LPP: variants seen among roughly 807,000 people sequenced by gnomAD.
LPP encodes lipoma-preferred partner.
Under a neutral mutation model 60.4 loss-of-function variants are expected in LPP, and 38 were observed. That is an observed-to-expected ratio of 0.63 (90% CI 0.49 to 0.83). The LOEUF is 0.83. Ranked by LOEUF, LPP falls within the 40% of genes least tolerant of loss-of-function variation. The probability of loss-of-function intolerance (pLI) is 0.00; values close to 1 mark genes in which losing one functional copy is unlikely to be tolerated. For synonymous variants in LPP, 328 were observed against 290.8 expected (o/e 1.13, Z -1.30); for missense variants, 902 against 783.6 (o/e 1.15, Z -1.80).
At chr3:188,250,798 T>G (rs374263385) in intron 2 of LPP, among the ~76,000 whole-genome samples, 101 of 137,848 alleles carry the variant, frequency 7.3e-4, no homozygotes, top group African/African-American at 2.4e-3. Context: ...GTCTTTCTCT[T>G]TCTTTCTTTC....
At chr3:188,446,200 T>C (rs138091829) in intron 4 of LPP, among the ~76,000 whole-genome samples, 200 of 152,324 alleles carry the variant, frequency 1.3e-3, no homozygotes, top group African/African-American at 4.6e-3. Context: ...ATAAACACAC[T>C]GGTGTTGTCC....
intron 2 of LPP, among the ~76,000 whole-genome samples, chr3:188,227,338 T>A (rs1293311841): frequency 9.7e-5 from 4 of 41,394 alleles, no homozygotes; most frequent in African/African-American, 2.0e-4. Flanking sequence ...CCCTCCCCCC[T>A]CCCCCCACCC....
chr3:188,723,241 CT>C (rs376876680), intron 8 of LPP, among the ~76,000 whole-genome samples: 380 of 152,314 alleles, frequency 2.5e-3, no homozygotes, highest in Admixed American at 5.5e-3. Flanking sequence ...CACAGCTTTA[CT>C]GTCAGTGTCA....
intron 2 of LPP, among the ~76,000 whole-genome samples, chr3:188,294,296 C>T (rs1350340800): frequency 1.3e-5 from 2 of 152,046 alleles, no homozygotes. Context: ...CTGTGAAATA[C>T]TAAAAACAGA....
intron 1 of LPP, among the ~76,000 whole-genome samples, chr3:188,201,086 C>G (rs1218795932): frequency 3.9e-5 from 6 of 152,114 alleles, no homozygotes; most frequent in Non-Finnish European, 8.8e-5. Flanking sequence ...GGAGTCATAC[C>G]CTAGGACAGT....
intron 6 of LPP, among the ~76,000 whole-genome samples, chr3:188,556,766 T>C (rs552790711): frequency 8.4e-6 from 1 of 119,752 alleles, no homozygotes; most frequent in African/African-American, 2.7e-5. Flanking sequence ...CTTTTGGCAC[T>C]TCAGGCTTGA....
intron 3 of LPP, among the ~76,000 whole-genome samples, chr3:188,363,487 A>G (rs1357594971): frequency 1.3e-5 from 2 of 152,208 alleles, no homozygotes; most frequent in Admixed American, 1.3e-4. Flanking sequence ...TAGGAGTTTC[A>G]TATTTCCATC....
chr3:188,499,473 GTTA>G (rs981860338), intron 5 of LPP, among the ~76,000 whole-genome samples: 1 of 152,084 alleles, frequency 6.6e-6, no homozygotes, highest in African/African-American at 2.4e-5. Context: ...TCTCTTATGT[GTTA>G]TTATGCCAAT....
chr3:188,324,145 A>G (rs1171667218), intron 2 of LPP, among the ~76,000 whole-genome samples: 1 of 152,204 alleles, frequency 6.6e-6, no homozygotes, highest in South Asian at 2.1e-4. Flanking sequence ...TGCACTAGAT[A>G]GATAGAAACC....
In LPP at chr3:188,268,778, C is replaced by T. The variant is rs567024889; in HGVS notation, c.-67+43251C>T. On this transcript the variant is annotated intron_variant, in intron 2 of 11. Coordinates refer to ENST00000617246, the MANE Select transcript of LPP (RefSeq NM_001375462.1). Reference sequence around the variant, plus strand: ...ATTGTGCCATATCATTCATTCTCCTCGTGGCAGGAATAATGAATGAATATT... The same window carrying T: ...ATTGTGCCATATCATTCATTCTCCTTGTGGCAGGAATAATGAATGAATATT... 1.1e-4 allele frequency among the ~76,000 whole-genome samples: 16 copies of T among 152,284 alleles called. No homozygotes were observed. The South Asian group carries it at 1.9e-3, about 18-fold the overall frequency.
At chr3:188,253,297 T>C (rs970947749) in intron 2 of LPP, among the ~76,000 whole-genome samples, 4 of 152,224 alleles carry the variant, frequency 2.6e-5, no homozygotes, top group African/African-American at 9.6e-5. Flanking sequence ...TTATTGCTTC[T>C]GGACTTTGTT....
intron 2 of LPP, among the ~76,000 whole-genome samples, chr3:188,244,770 ACTG>A (rs1726275685): frequency 6.6e-6 from 1 of 152,144 alleles, no homozygotes; most frequent in Admixed American, 6.5e-5. Context: ...GCTTAATCAC[ACTG>A]CCTGGTGTCT....
intron 4 of LPP, among the ~76,000 whole-genome samples, chr3:188,439,514 C>G (rs747900260): frequency 6.6e-6 from 1 of 152,084 alleles, no homozygotes; most frequent in Non-Finnish European, 1.5e-5. Flanking sequence ...CAAGAGAAAT[C>G]CCACTTGCTG....
chr3:188,338,146 G>A (rs981671084), intron 2 of LPP, among the ~76,000 whole-genome samples: 1 of 152,244 alleles, frequency 6.6e-6, no homozygotes, highest in Non-Finnish European at 1.5e-5. Context: ...TCTGATAGAT[G>A]CTGACAGGTG....
intron 7 of LPP, among the ~76,000 whole-genome samples, chr3:188,635,673 G>T (rs568469121): frequency 2.2e-4 from 34 of 152,176 alleles, no homozygotes; most frequent in Non-Finnish European, 4.6e-4. Flanking sequence ...TTTGGAATCT[G>T]ATATAGTGAG....
intron 2 of LPP, among the ~76,000 whole-genome samples, chr3:188,275,300 T>C (rs1331196513): frequency 6.6e-6 from 1 of 152,214 alleles, no homozygotes; most frequent in African/African-American, 2.4e-5. Flanking sequence ...AGAGTGCGGG[T>C]CAATCTAATT....
chr3:188,582,575 T>C (rs1455336516), intron 6 of LPP, among the ~76,000 whole-genome samples: 2 of 152,114 alleles, frequency 1.3e-5, no homozygotes, highest in Non-Finnish European at 1.5e-5. Flanking sequence ...AGAGAGCCTT[T>C]AACTACTATG....
At chr3:188,437,726 T>C (rs760344946) in intron 4 of LPP, among the ~76,000 whole-genome samples, 26 of 152,244 alleles carry the variant, frequency 1.7e-4, no homozygotes, top group Non-Finnish European at 3.1e-4. Flanking sequence ...TATTGAACTA[T>C]TGCCATATTA....
intron 2 of LPP, among the ~76,000 whole-genome samples, chr3:188,230,233 G>A (rs113870987): frequency 0.017 from 2,577 of 152,018 alleles, 66 homozygotes; most frequent in African/African-American, 0.056. Context: ...CTACAGGTGC[G>A]TGCCGCCACG....
Sources: allele counts gnomAD v4.1 joint callset (sites outside exome capture counted in the v4.1 genomes callset), GRCh38; gene constraint gnomAD v4.1.1; transcripts MANE v1.5; gene names NCBI Gene and HGNC (gene_info 2026-07-23, HGNC 2026-07-21).